Variants in UGT2A3 observed in about 807,000 individuals in gnomAD.
The protein encoded by UGT2A3 is UDP-glucuronosyltransferase 2A3.
In UGT2A3, 55 loss-of-function variants were observed where a neutral mutation model predicts 44.1. The observed-to-expected ratio is 1.25, with a 90% CI of 1.00 to 1.56. The LOEUF is 1.56. UGT2A3 is among the 40% of genes most tolerant of loss of function. The pLI is 0.00. For synonymous variants in UGT2A3, 243 were observed against 215.1 expected (o/e 1.13, Z -1.13); for missense variants, 733 against 621.6 (o/e 1.18, Z -1.91).
At chr4:68,936,888 C>CAAAGA (rs1717973048) in intron 2 of UGT2A3, among the ~76,000 whole-genome samples, 3 of 46,336 alleles carry the variant, frequency 6.5e-5, no homozygotes, top group Admixed American at 3.3e-4. Context: ...AAATGGAAAG[C>CAAAGA]AAAAAAAAAA....
intron 3 of UGT2A3, among the ~76,000 whole-genome samples, chr4:68,932,229 GT>G (rs1717763772): frequency 6.7e-6 from 1 of 150,328 alleles, no homozygotes; most frequent in Non-Finnish European, 1.5e-5. Context: ...CCTGAATACA[GT>G]TTTTATACAC....
rs778100240 is a variant in UGT2A3 at position 68,929,799 on chromosome 4, G to A, written c.*14C>T. 7.1e-6 allele frequency: 11 copies of A among 1,552,788 alleles called. No homozygotes were observed. The highest frequency in any genetic ancestry group is 1.9e-5 in the Admixed American group (1 of 53,464). On this transcript the variant is annotated 3_prime_UTR_variant, in exon 6 of 6. Coordinates refer to ENST00000251566, the MANE Select transcript of UGT2A3 (RefSeq NM_024743.4). ...AGGATTACCCCATCAGGTCTTTCTT[G>A]AATTTGGAAAGATCTATTCCCTCTT... is the stretch of plus-strand genomic sequence containing the variant.
At position 68,930,778 on chromosome 4, in the gene UGT2A3, T is replaced by G; in HGVS notation, c.1085-13A>C. On this transcript the variant is annotated splice_polypyrimidine_tract_variant and intron_variant, in intron 4 of 5. Transcript: ENST00000251566. Reference sequence around the variant, plus strand: ...GTTTTGGGATGACCTAGTATGTAAATTGGATGAGAAATGGTGAGATATTTT... The same window carrying G: ...GTTTTGGGATGACCTAGTATGTAAAGTGGATGAGAAATGGTGAGATATTTT... 6.4e-7 allele frequency: 1 copy of G among 1,555,914 alleles called. No homozygotes were observed. Among genetic ancestry groups the G allele is most frequent in the East Asian group, 2.2e-5 (1 of 44,502 alleles).
At chr4:68,943,928 A>C (rs1386880140) in intron 2 of UGT2A3, among the ~76,000 whole-genome samples, 1 of 151,778 alleles carries the variant, frequency 6.6e-6, no homozygotes, top group Non-Finnish European at 1.5e-5. Context: ...AAACCCACCT[A>C]GGTAACACCC....
intron 1 of UGT2A3, among the ~76,000 whole-genome samples, chr4:68,945,704 G>A (rs1013300621): frequency 1.5e-5 from 2 of 129,178 alleles, no homozygotes; most frequent in African/African-American, 5.3e-5. Context: ...TGGAGGGAGG[G>A]AAGGATGGAA....
At chr4:68,938,523 C>T (rs918955687) in intron 2 of UGT2A3, among the ~76,000 whole-genome samples, 1 of 152,042 alleles carries the variant, frequency 6.6e-6, no homozygotes, top group Non-Finnish European at 1.5e-5. Flanking sequence ...TAGTAACTCT[C>T]AATAAACTAG....
At chr4:68,948,419 T>A (rs922603453) in intron 1 of UGT2A3, among the ~76,000 whole-genome samples, 1 of 147,836 alleles carries the variant, frequency 6.8e-6, no homozygotes, top group African/African-American at 2.5e-5. Context: ...TGGTTTAATT[T>A]TTTTTCTTTT....
intron 2 of UGT2A3, among the ~76,000 whole-genome samples, chr4:68,934,497 G>A (rs568821857): frequency 4.0e-5 from 6 of 151,860 alleles, no homozygotes; most frequent in South Asian, 2.1e-4. Flanking sequence ...AGATAAAATC[G>A]ACAAAGCTTT....
intron 2 of UGT2A3, among the ~76,000 whole-genome samples, chr4:68,936,533 G>A (rs1466417673): frequency 4.6e-5 from 7 of 152,000 alleles, no homozygotes; most frequent in Admixed American, 2.6e-4. Flanking sequence ...TCACCACCAG[G>A]CCTGCCTTAC....
chr4:68,942,279 A>G (rs927527245), intron 2 of UGT2A3, among the ~76,000 whole-genome samples: 2 of 150,752 alleles, frequency 1.3e-5, no homozygotes, highest in Non-Finnish European at 3.0e-5. Flanking sequence ...ACATATATAT[A>G]TGTCCATTCC....
intron 2 of UGT2A3, among the ~76,000 whole-genome samples, chr4:68,941,457 C>T (rs542901642): frequency 6.6e-6 from 1 of 151,942 alleles, no homozygotes; most frequent in East Asian, 2.0e-4. Flanking sequence ...TGAAACTAGA[C>T]CTCTATCCCT....
intron 2 of UGT2A3, among the ~76,000 whole-genome samples, chr4:68,943,720 G>A (rs1208219832): frequency 4.6e-5 from 7 of 151,686 alleles, no homozygotes; most frequent in Non-Finnish European, 7.4e-5. Flanking sequence ...TTTCCTCAAT[G>A]TGTTCAGTCA....
rs772488428 is a variant in UGT2A3 at position 68,951,467 on chromosome 4, C to T, written c.294G>A (p.Leu98=). 6.2e-7 allele frequency: 1 copy of T among 1,612,492 alleles called. No homozygotes were observed. ...CTGATTGCCAGGTTGATAAGCCTGGCAAGACATTCAGAGCTAGGTCAACAA... is the reference window on the plus strand; with the variant it reads ...CTGATTGCCAGGTTGATAAGCCTGGTAAGACATTCAGAGCTAGGTCAACAA... The part of the protein sequence containing the change: ...EIFVDLALNV[L]PGLSTWQSVI... Residue 98 remains leucine, a synonymous_variant, in exon 1 of 6, where the codon TTG becomes TTA. Transcript: ENST00000251566.
In UGT2A3 at chr4:68,951,460, A is replaced by C; in HGVS notation, c.301T>G (p.Leu101Val). 1.2e-6 allele frequency: 2 copies of C among 1,612,408 alleles called. No individual in the cohort carries two copies. The highest frequency in any genetic ancestry group is 1.1e-5 in the South Asian group (1 of 90,996). Residue 101 changes from leucine (L) to valine (V), a missense_variant, in exon 1 of 6, where the codon TTA (leucine) becomes GTA (valine). Leu to Val is a conservative substitution (Grantham distance 32). Coordinates refer to ENST00000251566, the MANE Select transcript of UGT2A3 (RefSeq NM_024743.4). ...VDLALNVLPG[L>V]STWQSVIKLN... ...TTTATAACTGATTGCCAGGTTGATAAGCCTGGCAAGACATTCAGAGCTAGG... is the reference window on the plus strand; with the variant it reads ...TTTATAACTGATTGCCAGGTTGATACGCCTGGCAAGACATTCAGAGCTAGG...
intron 2 of UGT2A3, among the ~76,000 whole-genome samples, chr4:68,933,568 G>C (rs1717822861): frequency 3.3e-5 from 5 of 151,990 alleles, no homozygotes; most frequent in Admixed American, 2.0e-4. Context: ...CTATCAGCAG[G>C]GAATTCACTG....
intron 1 of UGT2A3, among the ~76,000 whole-genome samples, chr4:68,947,359 G>C (rs1272844669): frequency 6.6e-6 from 1 of 151,630 alleles, no homozygotes; most frequent in Non-Finnish European, 1.5e-5. Context: ...CTCCTCACCG[G>C]TTTTACAGGT....
chr4:68,930,440 G>C (rs1415293502), intron 5 of UGT2A3, 106 bp downstream of exon 5: 1 of 1,064,758 alleles, frequency 9.4e-7, no homozygotes, highest in Non-Finnish European at 1.3e-6. Flanking sequence ...TCAATATTGT[G>C]GAGTAAAATC....
chr4:68,950,926 G>T, intron 1 of UGT2A3, 120 bp downstream of exon 1: 1 of 664,588 alleles, frequency 1.5e-6, no homozygotes, highest in Non-Finnish European at 2.3e-6. Flanking sequence ...ATGAAAAACA[G>T]CTACAACATT....
intron 2 of UGT2A3, among the ~76,000 whole-genome samples, chr4:68,944,390 G>T (rs920846713): frequency 6.6e-6 from 1 of 151,792 alleles, no homozygotes; most frequent in African/African-American, 2.4e-5. Flanking sequence ...AACCTTGTCA[G>T]GTCAAGGCTA....
Sources: allele counts gnomAD v4.1 joint callset (sites outside exome capture counted in the v4.1 genomes callset), GRCh38; gene constraint gnomAD v4.1.1; transcripts MANE v1.5; gene names NCBI Gene and HGNC (gene_info 2026-07-23, HGNC 2026-07-21).